Variants in GPC6 observed in about 807,000 individuals in gnomAD.
GPC6 encodes the protein glypican 6.
GPC6 carries 14 observed loss-of-function variants against 55.2 expected under a neutral mutation model. The ratio of observed to expected loss-of-function variants is 0.25; its 90% CI spans 0.17 to 0.40. The LOEUF is 0.40. Ranked by LOEUF, GPC6 falls within the 10% of genes least tolerant of loss-of-function variation. The pLI is 1.00. For missense variants in GPC6, 641 were observed against 708.5 expected (o/e 0.90, Z 1.08); for synonymous variants, 278 against 259.6 (o/e 1.07, Z -0.68).
chr13:93,651,758 C>G (rs973966865), intron 2 of GPC6, among the ~76,000 whole-genome samples: 3 of 152,080 alleles, frequency 2.0e-5, no homozygotes, highest in Non-Finnish European at 4.4e-5. Context: ...AGGTATGTTG[C>G]TCCACAAGCC....
intron 3 of GPC6, among the ~76,000 whole-genome samples, chr13:93,899,763 T>C (rs1358517886): frequency 6.6e-6 from 1 of 152,106 alleles, no homozygotes; most frequent in Non-Finnish European, 1.5e-5. Context: ...TCATCTGCCA[T>C]CAATTTTACT....
At chr13:93,757,358 T>C (rs1884807655) in intron 2 of GPC6, among the ~76,000 whole-genome samples, 1 of 152,166 alleles carries the variant, frequency 6.6e-6, no homozygotes, top group Non-Finnish European at 1.5e-5. Flanking sequence ...TCCGGGCCTT[T>C]GAGCCTTCTC....
rs190083050 is a variant in GPC6, at chr13:93,799,089, T to G, written c.320-31065T>G. 1.2e-4 allele frequency among the ~76,000 whole-genome samples: 19 copies of G among 152,266 alleles called. No homozygotes were observed. In the East Asian group the frequency reaches 3.7e-3, roughly 29 times the overall value. On this transcript the variant is annotated intron_variant, in intron 2 of 8. Coordinates refer to ENST00000377047, the MANE Select transcript of GPC6 (RefSeq NM_005708.5). ...CACCTAATCTGCTACTAAAATCTGT[T>G]TTTTCTCAGTGACGAGTTCACATTC...
intron 1 of GPC6, among the ~76,000 whole-genome samples, chr13:93,443,364 C>CCA (rs1877876414): frequency 6.6e-6 from 1 of 152,022 alleles, no homozygotes; most frequent in African/African-American, 2.4e-5. Flanking sequence ...CAAATGATAG[C>CCA]AAAATAAGTA....
intron 3 of GPC6, among the ~76,000 whole-genome samples, chr13:93,955,228 C>A (rs1295463678): frequency 6.9e-6 from 1 of 144,496 alleles, no homozygotes; most frequent in Non-Finnish European, 1.5e-5. Flanking sequence ...TTGGACATAA[C>A]TCTTGAATGA....
At chr13:93,953,905 G>A (rs1326404170) in intron 3 of GPC6, among the ~76,000 whole-genome samples, 1 of 152,130 alleles carries the variant, frequency 6.6e-6, no homozygotes, top group Non-Finnish European at 1.5e-5. Flanking sequence ...TTTAATTGCA[G>A]TAAATTACAC....
chr13:93,542,321 A>T (rs558927430), intron 1 of GPC6, among the ~76,000 whole-genome samples: 10 of 152,274 alleles, frequency 6.6e-5, no homozygotes, highest in African/African-American at 2.4e-4. Context: ...TTTGTCAAAG[A>T]TCAGATAGTT....
chr13:93,221,069 A>C, the GPC6 span, among the ~76,000 whole-genome samples: 2 of 151,870 alleles, frequency 1.3e-5, no homozygotes, highest in Non-Finnish European at 2.9e-5. Flanking sequence ...ATTTTGTAGA[A>C]ATAGGATTTC....
chr13:93,652,262 A>G (rs1438670471), intron 2 of GPC6, among the ~76,000 whole-genome samples: 1 of 152,150 alleles, frequency 6.6e-6, no homozygotes, highest in East Asian at 1.9e-4. Flanking sequence ...TATTTTTATA[A>G]TATTAATTTG....
chr13:93,786,741 A>G (rs568478933), intron 2 of GPC6, among the ~76,000 whole-genome samples: 2 of 147,764 alleles, frequency 1.4e-5, no homozygotes, highest in Non-Finnish European at 3.0e-5. Context: ...CTAAGCACCT[A>G]GAGTATATTT....
chr13:93,334,518 A>G (rs772269225), intron 1 of GPC6, among the ~76,000 whole-genome samples: 5 of 152,128 alleles, frequency 3.3e-5, no homozygotes, highest in Non-Finnish European at 7.3e-5. Flanking sequence ...ACTGGAGTGC[A>G]GTGGTACAAT....
chr13:93,580,618 A>G (rs1407963337), intron 2 of GPC6, among the ~76,000 whole-genome samples: 1 of 152,184 alleles, frequency 6.6e-6, no homozygotes, highest in South Asian at 2.1e-4. Context: ...AGGTGTCTTT[A>G]TGGGGCTTAT....
At chr13:93,408,534 A>G (rs565368951) in intron 1 of GPC6, among the ~76,000 whole-genome samples, 1 of 152,280 alleles carries the variant, frequency 6.6e-6, no homozygotes, top group Non-Finnish European at 1.5e-5. Context: ...AAGCAGTGCA[A>G]AACTGATTTT....
intron 4 of GPC6, among the ~76,000 whole-genome samples, chr13:94,054,760 TAGG>T (rs1352460610): frequency 6.6e-6 from 1 of 152,202 alleles, no homozygotes; most frequent in Non-Finnish European, 1.5e-5. Flanking sequence ...CCAAGTGGGT[TAGG>T]AGACCTGTGG....
chr13:94,394,038 C>T (rs1880789428), intron 7 of GPC6, among the ~76,000 whole-genome samples: 1 of 152,186 alleles, frequency 6.6e-6, no homozygotes, highest in South Asian at 2.1e-4. Flanking sequence ...ACCCACAGGG[C>T]TGGATGTATC....
intron 1 of GPC6, among the ~76,000 whole-genome samples, chr13:93,253,534 G>A (rs1162511539): frequency 1.3e-5 from 2 of 152,196 alleles, no homozygotes; most frequent in African/African-American, 4.8e-5. Context: ...TCAGTATGAT[G>A]TGGGGAGTGG....
intron 1 of GPC6, among the ~76,000 whole-genome samples, chr13:93,523,870 G>A (rs1044788595): frequency 6.6e-6 from 1 of 151,952 alleles, no homozygotes; most frequent in Non-Finnish European, 1.5e-5. Context: ...TAGACCAGGT[G>A]CACTGGAAGA....
intron 3 of GPC6, among the ~76,000 whole-genome samples, chr13:93,960,851 C>T (rs1312261025): frequency 3.1e-4 from 42 of 135,688 alleles, no homozygotes; most frequent in African/African-American, 1.0e-3. Flanking sequence ...CTTGCTCTGT[C>T]GCCCAGGCTA....
intron 6 of GPC6, among the ~76,000 whole-genome samples, chr13:94,381,468 T>G (rs778298666): frequency 8.5e-5 from 13 of 152,190 alleles, no homozygotes; most frequent in Non-Finnish European, 1.5e-4. Context: ...TGTGTGTCTG[T>G]GTGCTCAAAT....
Sources: gnomAD v4.1 joint callset for allele counts (sites outside exome capture counted in the v4.1 genomes callset) on GRCh38, gnomAD v4.1.1 for gene constraint, MANE v1.5 for transcripts, NCBI Gene and HGNC (gene_info 2026-07-23, HGNC 2026-07-21) for gene names.